The following NAALAD2 variants were observed in gnomAD, a reference collection of about 807,000 sequenced individuals.
NAALAD2 encodes N-acetylated alpha-linked acidic dipeptidase 2.
A neutral mutation model predicts 95.6 loss-of-function variants in NAALAD2; 89 were observed. That is an observed-to-expected ratio of 0.93 (90% CI 0.78 to 1.11). NAALAD2 has a LOEUF of 1.11. Among genes scored for constraint, NAALAD2 ranks in the 50% least tolerant of loss-of-function variants. NAALAD2 has a pLI of 0.00. For missense variants in NAALAD2, 894 were observed against 872.4 expected, an observed-to-expected ratio of 1.02 and a Z score of -0.31; for synonymous variants, 264 against 294.4, an observed-to-expected ratio of 0.90 and a Z score of 1.06.
intron 5 of NAALAD2, among the ~76,000 whole-genome samples, chr11:90,150,934 T>C (rs977476865): frequency 2.6e-5 from 4 of 152,188 alleles, no homozygotes; most frequent in African/African-American, 4.8e-5. Context: ...AATAGCTTTT[T>C]TCAAACCTAA....
At chr11:90,149,698 A>G (rs1951838709) in intron 4 of NAALAD2, among the ~76,000 whole-genome samples, 1 of 151,940 alleles carries the variant, frequency 6.6e-6, no homozygotes, top group African/African-American at 2.4e-5. Flanking sequence ...TCAGCCTCCC[A>G]AAGTGCTGGG....
Position 90,158,282 on chromosome 11 carries a change from A to G in NAALAD2, c.890+44A>G, listed in dbSNP as rs201764563. The G allele has an allele frequency of 1.1e-5, 15 of 1,428,430 alleles. No individual in the cohort carries two copies. The African/African-American group carries it at 1.8e-4, about 18-fold the overall frequency. The allele number at this position is 1,428,430 out of a possible 1,614,324, so 88.5% of individuals were successfully genotyped here. On this transcript the variant is annotated intron_variant, in intron 7 of 18. Transcript: ENST00000534061. ...ATATGAGATTAAGATATTTTGCACT[A>G]GTTGTCTATTTTCTCATTGAAAACC...
At chr11:90,168,663 TA>T (rs151009851) in intron 11 of NAALAD2, among the ~76,000 whole-genome samples, 21 of 152,084 alleles carry the variant, frequency 1.4e-4, no homozygotes, top group African/African-American at 5.1e-4. Context: ...ACTTTGAAAA[TA>T]TTTTTTTTTC....
At chr11:90,167,085 T>C (rs1591000541) in intron 11 of NAALAD2, among the ~76,000 whole-genome samples, 1 of 152,196 alleles carries the variant, frequency 6.6e-6, no homozygotes, top group South Asian at 2.1e-4. Context: ...GCGCCCACTC[T>C]GGCCACGCTT....
chr11:90,135,589 C>A lies in NAALAD2; in HGVS notation c.113C>A (p.Thr38Asn). 1.9e-6 allele frequency: 3 copies of A among 1,611,366 alleles called. No homozygotes were observed. Among genetic ancestry groups the A allele is most frequent in the Non-Finnish European group, 2.5e-6 (3 of 1,178,472 alleles). ...TTTATTAAGCCTCTCAAAGAAACGACCACTTCTGTGCGCTATCATCAAAGT... is the reference window on the plus strand; with the variant it reads ...TTTATTAAGCCTCTCAAAGAAACGAACACTTCTGTGCGCTATCATCAAAGT... ...GWFIKPLKET[T>N]TSVRYHQSIR... Residue 38 changes from threonine to asparagine, a missense_variant, in exon 2 of 19, where the codon ACC becomes AAC. By Grantham distance (65) the Thr-to-Asn change is moderately conservative (BLOSUM62 0). Coordinates refer to ENST00000534061, the MANE Select transcript of NAALAD2 (RefSeq NM_005467.4).
At chr11:90,154,501 A>G (rs950367619) in intron 6 of NAALAD2, among the ~76,000 whole-genome samples, 24 of 151,798 alleles carry the variant, frequency 1.6e-4, no homozygotes, top group Admixed American at 1.5e-3. Flanking sequence ...ACAATGTATT[A>G]TCCTTTTATA....
intron 5 of NAALAD2, among the ~76,000 whole-genome samples, chr11:90,151,396 T>C (rs1951884516): frequency 6.6e-6 from 1 of 152,198 alleles, no homozygotes; most frequent in Non-Finnish European, 1.5e-5. Context: ...GCCATTTATT[T>C]AACCATTCCG....
intron 6 of NAALAD2, among the ~76,000 whole-genome samples, chr11:90,157,860 A>G (rs1375796720): frequency 6.6e-6 from 1 of 151,952 alleles, no homozygotes; most frequent in Non-Finnish European, 1.5e-5. Flanking sequence ...AGCTGGGCCT[A>G]CAGGCATGCG....
In NAALAD2 at chr11:90,159,337, G is replaced by T; in HGVS notation, c.989G>T (p.Arg330Met). The T allele has an allele frequency of 6.2e-7, 1 of 1,608,192 alleles. No individual in the cohort carries two copies. Among genetic ancestry groups the T allele is most frequent in the Non-Finnish European group, 8.5e-7 (1 of 1,175,356 alleles). ...GGCTTTACAGGGAGTGATTCTTTCA[G>T]GTAATTTTGCATTACTTTAATAGTC... The part of the protein sequence containing the change: ...GPGFTGSDSF[R>M]KVRMHVYNIN... Residue 330 changes from arginine to methionine, a missense_variant and splice_region_variant, in exon 8 of 19, where the codon AGG becomes ATG. By Grantham distance (91) the Arg-to-Met change is moderately conservative. Coordinates refer to ENST00000534061, the MANE Select transcript of NAALAD2 (RefSeq NM_005467.4).
chr11:90,181,771 C>G (rs1443566662), intron 17 of NAALAD2, 70 bp downstream of exon 17: 7 of 1,000,178 alleles, frequency 7.0e-6, no homozygotes, highest in Non-Finnish European at 1.1e-5. Flanking sequence ...TGAACTGTTT[C>G]ACTCATATTA....
At chr11:90,149,418 GTTTGTT>G (rs941519803) in intron 4 of NAALAD2, among the ~76,000 whole-genome samples, 3 of 151,936 alleles carry the variant, frequency 2.0e-5, no homozygotes, top group South Asian at 2.1e-4. Context: ...TTTTTTGTTT[GTTTGTT>G]TTTGTTTTTG....
intron 6 of NAALAD2, among the ~76,000 whole-genome samples, chr11:90,154,809 G>T (rs936174680): frequency 6.9e-6 from 1 of 145,120 alleles, no homozygotes; most frequent in Admixed American, 7.1e-5. Flanking sequence ...ATATATATAT[G>T]TAATATATGT....
At chr11:90,156,723 A>G (rs1202649602) in intron 6 of NAALAD2, among the ~76,000 whole-genome samples, 1 of 152,100 alleles carries the variant, frequency 6.6e-6, no homozygotes, top group Non-Finnish European at 1.5e-5. Flanking sequence ...GTTAGCTGGA[A>G]CTATAGGCAT....
At chr11:90,154,060 T>C (rs528325783) in intron 6 of NAALAD2, among the ~76,000 whole-genome samples, 2 of 146,898 alleles carry the variant, frequency 1.4e-5, no homozygotes, top group African/African-American at 4.8e-5. Context: ...TCTCTGTCTC[T>C]CTCTCTCTTT....
rs1229258507 is a variant in NAALAD2 at position 90,191,640 on chromosome 11, GAAAATAAAGCCAA to G, written c.2117_2129del (p.Glu706AlafsTer9). 2 of 1,606,930 alleles carry G rather than the reference GAAAATAAAGCCAA, an allele frequency of 1.2e-6. No individual in the cohort carries two copies. Among genetic ancestry groups the G allele is most frequent in the African/African-American group, 2.7e-5 (2 of 74,618 alleles). Reference sequence around the variant, plus strand: ...AATCTATGATGCTATCTTTGATATTGAAAATAAAGCCAACTCTCGTTTGGCCTGGAAAGAAGTA... The same window carrying G: ...AATCTATGATGCTATCTTTGATATTGCTCTCGTTTGGCCTGGAAAGAAGTA... On this transcript the variant is annotated frameshift_variant, in exon 19 of 19. Transcript: ENST00000534061. LOFTEE classifies it high-confidence loss of function.
intron 14 of NAALAD2, among the ~76,000 whole-genome samples, chr11:90,175,476 C>G (rs1460666201): frequency 6.6e-6 from 1 of 152,118 alleles, no homozygotes; most frequent in Admixed American, 6.5e-5. Context: ...GTTTCCTAAT[C>G]ATATGCAAAG....
At chr11:90,160,549 A>G (rs952199351) in intron 8 of NAALAD2, among the ~76,000 whole-genome samples, 1 of 152,200 alleles carries the variant, frequency 6.6e-6, no homozygotes, top group Non-Finnish European at 1.5e-5. Flanking sequence ...TAAGTTTATA[A>G]ATGTTTGATT....
At chr11:90,145,232 T>C (rs936235998) in intron 2 of NAALAD2, among the ~76,000 whole-genome samples, 1 of 152,170 alleles carries the variant, frequency 6.6e-6, no homozygotes, top group Non-Finnish European at 1.5e-5. Context: ...TGGGTGAATA[T>C]GTATGCCTGG....
chr11:90,176,449 T>G (rs553923415), intron 15 of NAALAD2, among the ~76,000 whole-genome samples: 6 of 152,240 alleles, frequency 3.9e-5, no homozygotes, highest in African/African-American at 1.4e-4. Context: ...AAGAGGAGCA[T>G]TAGGGTAAGA....
Sources: allele counts gnomAD v4.1 joint callset (sites outside exome capture counted in the v4.1 genomes callset), GRCh38; gene constraint gnomAD v4.1.1; transcripts MANE v1.5; gene names NCBI Gene and HGNC (gene_info 2026-07-23, HGNC 2026-07-21).